Variants in TPR observed in about 807,000 individuals in gnomAD.
TPR encodes nucleoprotein TPR.
Under a neutral mutation model 316.1 loss-of-function variants are expected in TPR, and 51 were observed. The observed-to-expected ratio is 0.16, with a 90% CI of 0.13 to 0.20. The LOEUF (loss-of-function observed/expected upper bound fraction) is 0.20, where lower values mean the gene tolerates loss of function less well. Among genes scored for constraint, TPR ranks in the 10% least tolerant of loss-of-function variants. The pLI is 1.00. For synonymous variants in TPR, 981 were observed against 914.7 expected, an observed-to-expected ratio of 1.07 and a Z score of -1.31; for missense variants, 2,272 against 2,754.8, an observed-to-expected ratio of 0.82 and a Z score of 3.92.
At position 186,327,608 on chromosome 1, in the gene TPR, T is replaced by A. The variant is rs1278177862; in HGVS notation, c.5741A>T (p.Gln1914Leu). ...TGGCCCAAGATCTATTTGTAGAGACTGAGAGGTTTCTTCACTGTCTTCCAT... is the reference window on the plus strand; with the variant it reads ...TGGCCCAAGATCTATTTGTAGAGACAGAGAGGTTTCTTCACTGTCTTCCAT... ...TPMEDSEETS[Q>L]SLQIDLGPLQ... The change falls in exon 40 of 51, where the codon CAG (glutamine) becomes CTG (leucine). Residue 1914 changes from glutamine (Q) to leucine (L), a missense_variant. Coordinates refer to ENST00000367478, the MANE Select transcript of TPR (RefSeq NM_003292.3). 2.5e-6 allele frequency: 4 copies of A among 1,613,244 alleles called. No individual in the cohort carries two copies. The South Asian group carries it at 4.4e-5, about 18-fold the overall frequency.
Position 186,371,011 on chromosome 1 carries a change from T to G in TPR, c.289A>C (p.Lys97Gln). 1.2e-6 allele frequency: 2 copies of G among 1,613,102 alleles called. No homozygotes were observed. The highest frequency in any genetic ancestry group is 1.7e-6 in the Non-Finnish European group (2 of 1,179,504). Residue 97 changes from lysine (K) to glutamine (Q), a missense_variant, in exon 3 of 51, where the codon AAA becomes CAA. Physicochemically the swap from Lys to Gln is moderately conservative, Grantham distance 53. This residue lies in a region of TPR where 549 missense variants were observed against 598.6 expected (regional missense o/e 0.92). Coordinates refer to ENST00000367478, the MANE Select transcript of TPR (RefSeq NM_003292.3). ...CGATCCTGAGCAATTTCAAGTTCTT[T>G]GTTTTTCTCAGTTAGTGCCTTCAGT... Reference protein sequence around the residue: ...NQLKALTEKNKELEIAQDRNI... With the variant: ...NQLKALTEKNQELEIAQDRNI...
chr1:186,339,367 T>C (rs1285321580), intron 30 of TPR, among the ~76,000 whole-genome samples: 1 of 145,410 alleles, frequency 6.9e-6, no homozygotes, highest in African/African-American at 2.6e-5. Context: ...TGTAAGTTTT[T>C]GATAGCTGTA....
intron 32 of TPR, 147 bp downstream of exon 32, chr1:186,336,866 T>A: frequency 7.5e-7 from 1 of 1,324,648 alleles, no homozygotes; most frequent in South Asian, 1.4e-5. Flanking sequence ...GATGATTGGG[T>A]ACTACTTACA....
rs114096462 is a variant in TPR at position 186,322,131 on chromosome 1, G to A, written c.6461+187C>T. 6.8e-3 allele frequency among the ~76,000 whole-genome samples: 1,037 copies of A among 152,278 alleles called. 13 individuals are homozygous for A. The highest frequency in any genetic ancestry group is 0.022 in the African/African-American group (932 of 41,556). On this transcript the variant is annotated intron_variant, in intron 45 of 50. Coordinates refer to ENST00000367478, the MANE Select transcript of TPR (RefSeq NM_003292.3). ...TTCAAAATTCTTGGTAGAAGTAACT[G>A]TATGTCATTCACCTCTGTATAATTT...
chr1:186,363,313 T>C, intron 5 of TPR, 29 bp downstream of exon 5: 1 of 1,512,752 alleles, frequency 6.6e-7, no homozygotes. Context: ...AAGCTATAGT[T>C]TATGCATTAG....
intron 11 of TPR, 130 bp downstream of exon 11, chr1:186,360,143 G>T: frequency 7.6e-7 from 1 of 1,308,692 alleles, no homozygotes; most frequent in Non-Finnish European, 1.1e-6. Context: ...ACCAAAGAAA[G>T]CCTTTCCTAG....
chr1:186,374,242 CATT>C (rs1341045332), intron 1 of TPR, among the ~76,000 whole-genome samples: 7 of 151,914 alleles, frequency 4.6e-5, no homozygotes, highest in Non-Finnish European at 8.8e-5. Flanking sequence ...ATGTTCAAGC[CATT>C]ATTGTCAGTA....
intron 27 of TPR, chr1:186,341,673 T>C (rs1037682286): frequency 2.9e-5 from 8 of 275,432 alleles, no homozygotes; most frequent in Admixed American, 1.5e-4. Flanking sequence ...TCTATTTACC[T>C]TTCTGTATCT....
intron 22 of TPR, among the ~76,000 whole-genome samples, chr1:186,346,822 A>C (rs1658694401): frequency 6.6e-6 from 1 of 152,202 alleles, no homozygotes; most frequent in African/African-American, 2.4e-5. Flanking sequence ...ATGATATTCA[A>C]AACCTTTCAC....
chr1:186,338,862 A>G (rs968417830), intron 30 of TPR, among the ~76,000 whole-genome samples: 2 of 152,146 alleles, frequency 1.3e-5, no homozygotes, highest in African/African-American at 4.8e-5. Context: ...TGAATTAGGT[A>G]GTCAATCTTT....
intron 3 of TPR, among the ~76,000 whole-genome samples, chr1:186,369,673 T>C (rs1171480007): frequency 6.6e-6 from 1 of 152,190 alleles, no homozygotes; most frequent in African/African-American, 2.4e-5. Context: ...TATAGGATCA[T>C]ATAATCTATA....
At chr1:186,354,494 C>T (rs1658963999) in intron 17 of TPR, among the ~76,000 whole-genome samples, 1 of 151,952 alleles carries the variant, frequency 6.6e-6, no homozygotes, top group Non-Finnish European at 1.5e-5. Context: ...GAGGTATCAA[C>T]AGAGAAAAAA....
At chr1:186,353,894 C>T (rs1658946847) in intron 17 of TPR, 44 bp from the exon 18 acceptor site, 1 of 1,575,330 alleles carries the variant, frequency 6.3e-7, no homozygotes, top group Non-Finnish European at 8.6e-7. Context: ...AAATGATATC[C>T]TAGCTTAATC....
intron 10 of TPR, 57 bp downstream of exon 10, chr1:186,360,708 T>A (rs1213351399): frequency 2.5e-6 from 4 of 1,599,950 alleles, no homozygotes; most frequent in Non-Finnish European, 3.4e-6. Flanking sequence ...ATTAAATGAC[T>A]TTTATGTAGG....
Position 186,312,921 on chromosome 1 carries a change from A to G in TPR, c.*1050T>C. ...TAAGGTATTAACTAACAGTTTCCCAAGGAGGTGATATCATTTGTGAAAACA... is the reference window on the plus strand; with the variant it reads ...TAAGGTATTAACTAACAGTTTCCCAGGGAGGTGATATCATTTGTGAAAACA... On this transcript the variant is annotated 3_prime_UTR_variant, in exon 51 of 51. Transcript: ENST00000367478. 1 of 1,595,218 alleles carries G rather than the reference A, an allele frequency of 6.3e-7. No homozygotes were observed. The highest frequency in any genetic ancestry group is 8.6e-7 in the Non-Finnish European group (1 of 1,162,982).
At position 186,313,214 on chromosome 1, in the gene TPR, G is replaced by T. The variant is rs1657417579; in HGVS notation, c.*757C>A. On this transcript the variant is annotated 3_prime_UTR_variant, in exon 51 of 51. Transcript: ENST00000367478. ...ACCTTGTTTGGCACAAGGTTATAAT[G>T]ATTTGCATCACTGCAGAGTCTGTAA... 3 of 411,072 alleles carry T rather than the reference G, an allele frequency of 7.3e-6. No homozygotes were observed. The highest frequency in any genetic ancestry group is 1.4e-5 in the Non-Finnish European group (3 of 220,938). The allele number at this position is 411,072 out of a possible 1,614,324, so 25.5% of individuals were successfully genotyped here. A position where few individuals can be genotyped will look rare whatever the true frequency, so the allele number is the denominator to read the frequency against.
intron 7 of TPR, 36 bp from the exon 8 acceptor site, chr1:186,361,905 G>T (rs368298033): frequency 7.5e-5 from 119 of 1,588,188 alleles, no homozygotes; most frequent in Non-Finnish European, 9.8e-5. Flanking sequence ...AGTCTACTTT[G>T]AACTAAATTT....
In TPR at chr1:186,318,976, T is replaced by C. The variant is rs1003934706; in HGVS notation, c.6569-148A>G. 8.4e-5 allele frequency: 65 copies of C among 773,748 alleles called. 1 individual carries two copies. The highest frequency in any genetic ancestry group is 5.2e-4 in the Admixed American group (18 of 34,390). 47.9% of individuals were successfully genotyped at this position (773,748 alleles called of 1,614,324 possible). A position where few individuals can be genotyped will look rare whatever the true frequency, so the allele number is the denominator to read the frequency against. On this transcript the variant is annotated intron_variant, in intron 46 of 50. Transcript: ENST00000367478. Reference sequence around the variant, plus strand: ...AATTATTCCATCAAGCAAAAATCCATCTCTCAAACTTTTATTTTTTATTTT... The same window carrying C: ...AATTATTCCATCAAGCAAAAATCCACCTCTCAAACTTTTATTTTTTATTTT...
rs759352883 is a variant in TPR, at chr1:186,320,409, C to A, written c.6471G>T (p.Gln2157His). The A allele has an allele frequency of 1.2e-6, 2 of 1,608,052 alleles. No individual in the cohort carries two copies. Among genetic ancestry groups the A allele is most frequent in the Non-Finnish European group, 1.7e-6 (2 of 1,176,748 alleles). ...ACCGGAATCTAGGGACACCAGCAAC[C>A]TGCGGCGAACTAAATGGACAAAAAC... ...DGFAEAIHSP[Q>H]VAGVPRFRFG... Residue 2157 changes from glutamine to histidine, a missense_variant, in exon 46 of 51, where the codon CAG (glutamine) becomes CAT (histidine). By Grantham distance (24) the Gln-to-His change is conservative. This residue lies in a region of TPR where 88 missense variants were observed against 176.2 expected (regional missense o/e 0.50). Transcript: ENST00000367478.
Sources: gnomAD v4.1 joint callset for allele counts (sites outside exome capture counted in the v4.1 genomes callset) on GRCh38, gnomAD v4.1.1 for gene constraint, gnomAD v4.1.1 regional missense constraint, MANE v1.5 for transcripts, NCBI Gene and HGNC (gene_info 2026-07-23, HGNC 2026-07-21) for gene names.